Variants in GRID1 observed in about 807,000 individuals in gnomAD.
GRID1 encodes glutamate receptor ionotropic, delta-1.
A neutral mutation model predicts 98.0 loss-of-function variants in GRID1; 28 were observed. The ratio of observed to expected loss-of-function variants is 0.29; its 90% CI spans 0.21 to 0.39. The LOEUF is 0.39. GRID1 is among the 10% of genes least tolerant of loss of function. The probability of loss-of-function intolerance (pLI) is 1.00; values close to 1 mark genes in which losing one functional copy is unlikely to be tolerated. For synonymous variants in GRID1, 553 were observed against 538.5 expected, an observed-to-expected ratio of 1.03 and a Z score of -0.37; for missense variants, 1,111 against 1,340.5, an observed-to-expected ratio of 0.83 and a Z score of 2.67.
intron 8 of GRID1, among the ~76,000 whole-genome samples, chr10:85,815,587 G>C (rs1437387830): frequency 6.6e-6 from 1 of 151,788 alleles, no homozygotes; most frequent in African/African-American, 2.4e-5. Flanking sequence ...AACTCAAATT[G>C]GACCACAGAC....
chr10:85,940,278 T>C (rs541432162), intron 4 of GRID1, among the ~76,000 whole-genome samples: 1 of 152,310 alleles, frequency 6.6e-6, no homozygotes, highest in East Asian at 1.9e-4. Context: ...ACTCTGCTCT[T>C]ATTTACCTTC....
intron 2 of GRID1, among the ~76,000 whole-genome samples, chr10:86,350,355 A>T (rs924894688): frequency 5.3e-5 from 8 of 152,136 alleles, no homozygotes; most frequent in African/African-American, 9.7e-5. Flanking sequence ...CTACATGGAC[A>T]ATGGCCTGGA....
chr10:86,337,176 G>A (rs1166972561), intron 2 of GRID1, among the ~76,000 whole-genome samples: 2 of 152,090 alleles, frequency 1.3e-5, no homozygotes, highest in Admixed American at 6.5e-5. Flanking sequence ...CTATCTGACC[G>A]ACTCATCGAA....
chr10:86,056,403 G>A (rs1288860927), intron 4 of GRID1, among the ~76,000 whole-genome samples: 1 of 152,156 alleles, frequency 6.6e-6, no homozygotes, highest in Non-Finnish European at 1.5e-5. Context: ...GCTTTTCCAG[G>A]TGTAATAAGA....
chr10:85,851,009 T>A (rs937399655), intron 8 of GRID1, among the ~76,000 whole-genome samples: 1 of 152,042 alleles, frequency 6.6e-6, no homozygotes, highest in African/African-American at 2.4e-5. Context: ...TTTGGAAACT[T>A]AACTACAGGT....
intron 2 of GRID1, among the ~76,000 whole-genome samples, chr10:86,251,117 G>GT (rs780038678): frequency 1.3e-5 from 2 of 152,156 alleles, no homozygotes; most frequent in Non-Finnish European, 2.9e-5. Context: ...TGCAAGTTGT[G>GT]CTTTGTTAAA....
chr10:85,832,809 C>G (rs1159728324), intron 8 of GRID1, among the ~76,000 whole-genome samples: 3 of 152,156 alleles, frequency 2.0e-5, no homozygotes, highest in African/African-American at 7.2e-5. Context: ...GCTCATTCTT[C>G]TCCCAGCCAG....
At chr10:86,332,120 G>A (rs767342338) in intron 2 of GRID1, among the ~76,000 whole-genome samples, 1 of 152,216 alleles carries the variant, frequency 6.6e-6, no homozygotes, top group East Asian at 1.9e-4. Context: ...TGACTTCCCC[G>A]AGGTCATGCA....
At chr10:86,239,166 G>C (rs921970342) in intron 2 of GRID1, among the ~76,000 whole-genome samples, 2 of 152,240 alleles carry the variant, frequency 1.3e-5, no homozygotes, top group African/African-American at 4.8e-5. Flanking sequence ...GTGTTGCCTG[G>C]ATATGAGACA....
At chr10:86,054,483 C>A (rs1329111257) in intron 4 of GRID1, among the ~76,000 whole-genome samples, 1 of 152,108 alleles carries the variant, frequency 6.6e-6, no homozygotes, top group Non-Finnish European at 1.5e-5. Flanking sequence ...CAGTGTCCTG[C>A]CAACCCCCTT....
At chr10:85,930,441 A>G (rs1035066232) in intron 4 of GRID1, among the ~76,000 whole-genome samples, 5 of 151,558 alleles carry the variant, frequency 3.3e-5, no homozygotes, top group African/African-American at 9.7e-5. Flanking sequence ...CAAATGCTCA[A>G]TGCAACAAAA....
chr10:85,927,090 T>A (rs568590830), intron 4 of GRID1, among the ~76,000 whole-genome samples: 1 of 152,264 alleles, frequency 6.6e-6, no homozygotes, highest in South Asian at 2.1e-4. Context: ...CTCAGACCAC[T>A]TTGGAAACTC....
intron 13 of GRID1, among the ~76,000 whole-genome samples, chr10:85,631,308 T>C (rs1455864485): frequency 1.3e-5 from 2 of 152,194 alleles, no homozygotes; most frequent in Non-Finnish European, 2.9e-5. Context: ...AACAGCCACA[T>C]TGAGCCCCCT....
intron 5 of GRID1, among the ~76,000 whole-genome samples, chr10:85,872,103 C>CAG (rs1843283919): frequency 6.6e-6 from 1 of 152,162 alleles, no homozygotes; most frequent in Non-Finnish European, 1.5e-5. Flanking sequence ...TGTGCATGCT[C>CAG]AGCTCTGCTC....
intron 4 of GRID1, among the ~76,000 whole-genome samples, chr10:85,999,020 C>A (rs1031202795): frequency 6.6e-6 from 1 of 152,178 alleles, no homozygotes; most frequent in Non-Finnish European, 1.5e-5. Flanking sequence ...CGAGACCAGT[C>A]TGGCCAACAT....
chr10:85,802,079 A>C (rs1842581582), intron 8 of GRID1, among the ~76,000 whole-genome samples: 2 of 152,138 alleles, frequency 1.3e-5, no homozygotes. Flanking sequence ...TATAAAAATT[A>C]CTGAAAGTCA....
At chr10:85,775,530 C>T (rs971739091) in intron 8 of GRID1, among the ~76,000 whole-genome samples, 1 of 151,898 alleles carries the variant, frequency 6.6e-6, no homozygotes, top group East Asian at 1.9e-4. Flanking sequence ...ACTGGGGACT[C>T]CTAGAGGAGG....
chr10:85,714,062 T>C (rs909738791), intron 12 of GRID1, among the ~76,000 whole-genome samples: 2 of 151,978 alleles, frequency 1.3e-5, no homozygotes, highest in East Asian at 3.8e-4. Context: ...CACCACGGAA[T>C]ACTATGCAGC....
At chr10:85,951,535 C>T (rs941814639) in intron 4 of GRID1, among the ~76,000 whole-genome samples, 5 of 152,180 alleles carry the variant, frequency 3.3e-5, no homozygotes, top group African/African-American at 9.6e-5. Flanking sequence ...AGGTTCATTT[C>T]GTATGCTGGT....
Sources: gnomAD v4.1 joint callset for allele counts (sites outside exome capture counted in the v4.1 genomes callset) on GRCh38, gnomAD v4.1.1 for gene constraint, MANE v1.5 for transcripts, NCBI Gene and HGNC (gene_info 2026-07-23, HGNC 2026-07-21) for gene names.